C19orf47: variants seen among roughly 807,000 people sequenced by gnomAD.
The protein encoded by C19orf47 is chromosome 19 open reading frame 47.
A neutral mutation model predicts 32.3 loss-of-function variants in C19orf47; 18 were observed. The ratio of observed to expected loss-of-function variants is 0.56; its 90% CI spans 0.39 to 0.83. The LOEUF is 0.83. Ranked by LOEUF, C19orf47 falls within the 40% of genes least tolerant of loss-of-function variation. C19orf47 has a pLI of 0.00. For synonymous variants in C19orf47, 202 were observed against 211.1 expected (o/e 0.96, Z 0.37); for missense variants, 484 against 531.6 (o/e 0.91, Z 0.88).
intron 2 of C19orf47, 117 bp downstream of exon 2, chr19:40,341,722 A>G: frequency 1.4e-6 from 2 of 1,438,940 alleles, no homozygotes; most frequent in Non-Finnish European, 1.9e-6. Flanking sequence ...CTCAGAGTAC[A>G]GCTGTTCCTG....
intron 4 of C19orf47, among the ~76,000 whole-genome samples, chr19:40,335,199 A>T (rs1245824227): frequency 6.6e-6 from 1 of 152,192 alleles, no homozygotes; most frequent in Non-Finnish European, 1.5e-5. Context: ...AGGTGGCCAC[A>T]GCCACACTAG....
At chr19:40,328,690 G>T in intron 5 of C19orf47, 140 bp from the exon 6 acceptor site, 2 of 1,171,624 alleles carry the variant, frequency 1.7e-6, no homozygotes, top group Non-Finnish European at 2.3e-6. Context: ...TAACTGCATG[G>T]TACTCGTGAT....
the C19orf47 span, among the ~76,000 whole-genome samples, chr19:40,295,743 T>C: frequency 6.8e-6 from 1 of 147,490 alleles, no homozygotes; most frequent in African/African-American, 2.5e-5. Flanking sequence ...GCCTAGATTA[T>C]TTATTTACGT....
downstream of C19orf47, among the ~76,000 whole-genome samples, chr19:40,316,009 A>AGAG (rs893485907): frequency 6.6e-6 from 1 of 151,154 alleles, no homozygotes; most frequent in Non-Finnish European, 1.5e-5. Context: ...CAAAAAAAAA[A>AGAG]AGAGAGAGAG....
chr19:40,313,003 G>A, the C19orf47 span, among the ~76,000 whole-genome samples: 1 of 152,172 alleles, frequency 6.6e-6, no homozygotes, highest in Non-Finnish European at 1.5e-5. Context: ...TCTCATACAT[G>A]TCTTTTGCAT....
chr19:40,316,905 G>A (rs1271801040), downstream of C19orf47, among the ~76,000 whole-genome samples: 2 of 152,024 alleles, frequency 1.3e-5, no homozygotes, highest in African/African-American at 4.8e-5. Context: ...AGACTACTAA[G>A]ACACGTGTAT....
At chr19:40,337,138 C>A (rs578066497) in intron 2 of C19orf47, among the ~76,000 whole-genome samples, 1 of 152,202 alleles carries the variant, frequency 6.6e-6, no homozygotes, top group East Asian at 1.9e-4. Flanking sequence ...TACCACAAGG[C>A]ACAAGATGAA....
chr19:40,346,331 T>G (rs528782177), intron 1 of C19orf47, among the ~76,000 whole-genome samples: 109 of 147,886 alleles, frequency 7.4e-4, no homozygotes, highest in African/African-American at 2.6e-3. Context: ...TAATCCTAGC[T>G]ACTCAGGAGG....
chr19:40,330,797 T>C (rs2077936978), intron 5 of C19orf47, among the ~76,000 whole-genome samples: 1 of 152,124 alleles, frequency 6.6e-6, no homozygotes, highest in South Asian at 2.1e-4. Flanking sequence ...GTGCTGGGAT[T>C]AAAGGCATGG....
chr19:40,329,112 T>G (rs1002235856), intron 5 of C19orf47, among the ~76,000 whole-genome samples: 1 of 152,026 alleles, frequency 6.6e-6, no homozygotes, highest in South Asian at 2.1e-4. Context: ...CCCTTACAAC[T>G]GCTTGACATT....
At chr19:40,341,913 G>GC (rs1426096191) in intron 1 of C19orf47, 23 bp from the exon 2 acceptor site, 1 of 1,536,078 alleles carries the variant, frequency 6.5e-7, no homozygotes, top group South Asian at 1.2e-5. Context: ...AGAGGAGAGA[G>GC]CCCATGAGCT....
intron 7 of C19orf47, 149 bp downstream of exon 7, chr19:40,326,185 C>T: frequency 9.0e-7 from 1 of 1,106,994 alleles, no homozygotes; most frequent in South Asian, 1.6e-5. Context: ...TCCTCTGCAG[C>T]CACCATCACT....
chr19:40,345,164 T>C (rs4502340), intron 1 of C19orf47, among the ~76,000 whole-genome samples: 59,328 of 151,872 alleles, frequency 0.39, 12,689 homozygotes, highest in South Asian at 0.61. Flanking sequence ...CCCTACTGAA[T>C]TCAATTTCCT....
At chr19:40,317,060 T>C (rs2145493435), downstream of C19orf47, among the ~76,000 whole-genome samples, 1 of 152,306 alleles carries the variant, frequency 6.6e-6, no homozygotes, top group African/African-American at 2.4e-5. Flanking sequence ...GAAGATACTT[T>C]TCACTGTAGA....
At position 40,319,953 on chromosome 19, in the gene C19orf47, C is replaced by T. The variant is rs1404673343; in HGVS notation, c.*1929G>A. ...CCTAACAGGCGCAATGCAGTCAGAA[C>T]ACAGCTCCCTCTTCCTTGACCTTCC... On this transcript the variant is annotated 3_prime_UTR_variant, in exon 9 of 9. Transcript: ENST00000683109. 6.5e-6 allele frequency: 1 copy of T among 154,304 alleles called. No homozygotes were observed. Among genetic ancestry groups the T allele is most frequent in the Non-Finnish European group, 1.5e-5 (1 of 68,502 alleles). 9.6% of individuals were successfully genotyped at this position (154,304 alleles called of 1,614,324 possible).
the C19orf47 span, chr19:40,299,440 A>G: frequency 6.6e-6 from 1 of 152,188 alleles, no homozygotes; most frequent in Non-Finnish European, 1.5e-5. Context: ...CTGAGATCCT[A>G]TTAATCAAAT....
intron 1 of C19orf47, among the ~76,000 whole-genome samples, chr19:40,345,073 A>AC (rs2078246230): frequency 6.6e-6 from 1 of 152,194 alleles, no homozygotes; most frequent in Non-Finnish European, 1.5e-5. Context: ...CCAGCCAGGT[A>AC]CTATGGTCTG....
downstream of C19orf47, among the ~76,000 whole-genome samples, chr19:40,314,799 G>C (rs2077651343): frequency 6.6e-6 from 1 of 152,184 alleles, no homozygotes; most frequent in Admixed American, 6.5e-5. Flanking sequence ...GGAGAAACTT[G>C]ACAAACAGGT....
chr19:40,328,723 G>A (rs2077887992), intron 5 of C19orf47, among the ~76,000 whole-genome samples, 173 bp from the exon 6 acceptor site: 1 of 152,014 alleles, frequency 6.6e-6, no homozygotes, highest in African/African-American at 2.4e-5. Flanking sequence ...GGGCAGGGTG[G>A]GCTGCATCTC....
Sources: allele counts gnomAD v4.1 joint callset (sites outside exome capture counted in the v4.1 genomes callset), GRCh38; gene constraint gnomAD v4.1.1; transcripts MANE v1.5; gene names NCBI Gene and HGNC (gene_info 2026-07-23, HGNC 2026-07-21).